Variants in CDC42BPA observed in about 807,000 individuals in gnomAD.
CDC42BPA encodes serine/threonine-protein kinase MRCK alpha.
A neutral mutation model predicts 223.5 loss-of-function variants in CDC42BPA; 80 were observed. That is an observed-to-expected ratio of 0.36 (90% CI 0.30 to 0.43). CDC42BPA has a LOEUF of 0.43. CDC42BPA is among the 20% of genes least tolerant of loss of function. CDC42BPA has a pLI of 1.00. For missense variants in CDC42BPA, 1,743 were observed against 2,099.9 expected, an observed-to-expected ratio of 0.83 and a Z score of 3.32; for synonymous variants, 694 against 718.6, an observed-to-expected ratio of 0.97 and a Z score of 0.55.
intron 12 of CDC42BPA, 105 bp from the exon 13 acceptor site, chr1:227,113,018 A>G: frequency 2.0e-6 from 2 of 1,013,298 alleles, no homozygotes; most frequent in Non-Finnish European, 2.9e-6. Flanking sequence ...AAAATTATTC[A>G]CCTTAGGACA....
At chr1:227,126,726 T>C (rs1331735099) in intron 11 of CDC42BPA, among the ~76,000 whole-genome samples, 3 of 152,190 alleles carry the variant, frequency 2.0e-5, no homozygotes, top group Admixed American at 1.3e-4. Flanking sequence ...TATTAACAGG[T>C]TATTTTTTGA....
chr1:227,001,979 CA>C (rs1363051344), intron 35 of CDC42BPA, among the ~76,000 whole-genome samples: 1 of 152,020 alleles, frequency 6.6e-6, no homozygotes, highest in Non-Finnish European at 1.5e-5. Flanking sequence ...CAACAAAACC[CA>C]AAAAAATCCT....
rs138538347 is a variant in CDC42BPA, at chr1:227,170,064, GA to G, written c.600-9429del. 8.5e-5 allele frequency among the ~76,000 whole-genome samples: 13 copies of G among 152,204 alleles called. No homozygotes were observed. The East Asian group carries it at 2.5e-3, about 29-fold the overall frequency. ...TAGAACCTTGCCACTCACCCATCAA[GA>G]AGATTGTCCCTTCAGCTTGAACCTG... On this transcript the variant is annotated intron_variant, in intron 5 of 36. Transcript: ENST00000366766.
intron 34 of CDC42BPA, chr1:227,010,949 C>A (rs1665063162): frequency 7.3e-7 from 1 of 1,364,768 alleles, no homozygotes; most frequent in Admixed American, 1.9e-5. Flanking sequence ...TTTATGGAAT[C>A]AGGAGAGAGA....
At chr1:227,034,570 C>T in intron 26 of CDC42BPA, 85 bp downstream of exon 26, 1 of 1,261,162 alleles carries the variant, frequency 7.9e-7, no homozygotes, top group South Asian at 1.5e-5. Flanking sequence ...TTTAAATAAA[C>T]CATGGCAACA....
rs1273265551 is a variant in CDC42BPA at position 226,994,474 on chromosome 1, G to A, written c.5134-75C>T. On this transcript the variant is annotated intron_variant, in intron 36 of 36. Transcript: ENST00000366766. This position sits in a 1 kb window ranked among gnomAD's most constrained non-coding sequence, Gnocchi z 4.0. ...GGCAGAAGGGGCTCAGATTACCACC[G>A]CCCCCTCCAGCCACCCTGACCAAAT... 1.7e-5 allele frequency: 24 copies of A among 1,430,934 alleles called. No individual in the cohort carries two copies. The highest frequency in any genetic ancestry group is 2.1e-5 in the Non-Finnish European group (23 of 1,083,476). 88.6% of individuals were successfully genotyped at this position (1,430,934 alleles called of 1,614,324 possible).
intron 1 of CDC42BPA, among the ~76,000 whole-genome samples, chr1:227,256,309 T>C (rs1347357838): frequency 6.6e-6 from 1 of 151,928 alleles, no homozygotes; most frequent in Non-Finnish European, 1.5e-5. Context: ...CATCACACAC[T>C]GGGGCCTGTT....
chr1:227,218,076 G>A (rs924379501), intron 2 of CDC42BPA, among the ~76,000 whole-genome samples: 1 of 152,090 alleles, frequency 6.6e-6, no homozygotes, highest in Non-Finnish European at 1.5e-5. Context: ...AACATTAGCT[G>A]AATTAATGAT....
chr1:227,045,547 T>G (rs953223216), intron 23 of CDC42BPA, among the ~76,000 whole-genome samples: 1 of 152,202 alleles, frequency 6.6e-6, no homozygotes, highest in Non-Finnish European at 1.5e-5. Flanking sequence ...CTTGATAATT[T>G]CCTTCCTTTT....
At chr1:227,152,640 T>C (rs1347932055) in intron 6 of CDC42BPA, among the ~76,000 whole-genome samples, 2 of 152,216 alleles carry the variant, frequency 1.3e-5, no homozygotes, top group African/African-American at 2.4e-5. Context: ...CAAGCATACA[T>C]GCAAAGAAAC....
intron 3 of CDC42BPA, among the ~76,000 whole-genome samples, chr1:227,206,970 G>A (rs1451786410): frequency 6.6e-6 from 1 of 151,792 alleles, no homozygotes; most frequent in African/African-American, 2.4e-5. Context: ...TAGGGTACAT[G>A]TGCACAATGT....
intron 17 of CDC42BPA, among the ~76,000 whole-genome samples, chr1:227,076,757 T>C (rs1478939185): frequency 1.3e-5 from 2 of 152,190 alleles, no homozygotes; most frequent in Non-Finnish European, 2.9e-5. Context: ...AATTTCATTA[T>C]TTCCATTGGT....
At chr1:227,083,451 C>A (rs947522100) in intron 16 of CDC42BPA, among the ~76,000 whole-genome samples, 3 of 152,100 alleles carry the variant, frequency 2.0e-5, no homozygotes, top group African/African-American at 7.2e-5. Context: ...CTTTCTTGAA[C>A]AAATCACACG....
intron 1 of CDC42BPA, among the ~76,000 whole-genome samples, chr1:227,270,883 G>A (rs1303698359): frequency 6.6e-6 from 1 of 152,192 alleles, no homozygotes; most frequent in Non-Finnish European, 1.5e-5. Flanking sequence ...AAGGTTCAGT[G>A]ATGTTGCACA....
chr1:227,193,536 T>C (rs1180734264), intron 5 of CDC42BPA: 5 of 379,726 alleles, frequency 1.3e-5, no homozygotes, highest in South Asian at 5.6e-5. Context: ...CCAATGTCTA[T>C]TATTCTAGGA....
At chr1:227,166,157 G>A (rs1665000087) in intron 5 of CDC42BPA, among the ~76,000 whole-genome samples, 1 of 152,092 alleles carries the variant, frequency 6.6e-6, no homozygotes, top group South Asian at 2.1e-4. Context: ...AAAGTATGTA[G>A]CCTACTGACT....
chr1:227,142,147 A>G (rs1659791026), intron 9 of CDC42BPA, among the ~76,000 whole-genome samples: 1 of 152,216 alleles, frequency 6.6e-6, no homozygotes. Flanking sequence ...GTACAGGTAG[A>G]GAATAAAATT....
At chr1:227,313,994 G>A (rs1224964104) in intron 1 of CDC42BPA, among the ~76,000 whole-genome samples, 2 of 87,170 alleles carry the variant, frequency 2.3e-5, no homozygotes, top group Non-Finnish European at 5.0e-5. Context: ...TATTTATTTT[G>A]TATTAATATT....
At chr1:227,150,709 A>G (rs375708533) in intron 6 of CDC42BPA, among the ~76,000 whole-genome samples, 17 of 152,240 alleles carry the variant, frequency 1.1e-4, no homozygotes, top group South Asian at 4.1e-4. Context: ...AATGAAGAAG[A>G]AGGAGGACAA....
Sources: gnomAD v4.1 joint callset for allele counts (sites outside exome capture counted in the v4.1 genomes callset) on GRCh38, gnomAD v4.1.1 for gene constraint, Gnocchi (gnomAD v3.1) non-coding constraint, MANE v1.5 for transcripts, NCBI Gene and HGNC (gene_info 2026-07-23, HGNC 2026-07-21) for gene names.